The following IGF2 variants were observed in gnomAD, a reference collection of about 807,000 sequenced individuals.
IGF2 encodes insulin like growth factor 2.
Under a neutral mutation model 12.0 loss-of-function variants are expected in IGF2, and 2 were observed. The ratio of observed to expected loss-of-function variants is 0.17; its 90% CI spans 0.07 to 0.52. The LOEUF (loss-of-function observed/expected upper bound fraction) is 0.52. IGF2 is among the 20% of genes least tolerant of loss of function. IGF2 has a pLI of 0.95. For missense variants in IGF2, 211 were observed against 268.0 expected, an observed-to-expected ratio of 0.79 and a Z score of 1.48; for synonymous variants, 105 against 110.1, an observed-to-expected ratio of 0.95 and a Z score of 0.29.
chr11:2,138,126 C>T (rs1859222041), intron 1 of IGF2, 103 bp downstream of exon 1: 1 of 744,738 alleles, frequency 1.3e-6, no homozygotes, highest in Non-Finnish European at 1.6e-6. Context: ...CGCCGAGCCC[C>T]GCAGGCCCCG....
At chr11:2,148,005 G>C in the IGF2 span, 4 of 402,944 alleles carry the variant, frequency 9.9e-6, no homozygotes, top group Non-Finnish European at 1.7e-5. The surrounding 1 kb of genome is among the most constrained non-coding windows in gnomAD (Gnocchi z 4.3). Context: ...ATAAGGGAGG[G>C]AAGAAGTGGT....
the IGF2 span, chr11:2,148,141 C>G: frequency 3.9e-6 from 1 of 258,738 alleles, no homozygotes; most frequent in African/African-American, 2.2e-5. This position sits in a 1 kb window ranked among gnomAD's most constrained non-coding sequence, Gnocchi z 4.3. Flanking sequence ...AGGGTGCACA[C>G]GAATGGCCCG....
rs998687877 is a variant in IGF2, at chr11:2,129,272, T to G, written c.*3715A>C. 8 of 208,916 alleles carry G rather than the reference T, an allele frequency of 3.8e-5. No homozygotes were observed. Among genetic ancestry groups the G allele is most frequent in the Non-Finnish European group, 7.8e-5 (8 of 102,812 alleles). 12.9% of individuals were successfully genotyped at this position (208,916 alleles called of 1,614,324 possible). A position where few individuals can be genotyped will look rare whatever the true frequency, so the allele number is the denominator to read the frequency against. ...CCGAGGCGGCAGGCACAGGTGACAT[T>G]CAGTGTTTGGCGTGGGGGTCTTCAG... On this transcript the variant is annotated 3_prime_UTR_variant, in exon 4 of 4. Coordinates refer to ENST00000416167, the MANE Select transcript of IGF2 (RefSeq NM_000612.6). The surrounding 1 kb of genome is among the most constrained non-coding windows in gnomAD (Gnocchi z 8.1).
upstream of IGF2, among the ~76,000 whole-genome samples, chr11:2,145,944 C>T (rs751374823): frequency 3.3e-5 from 5 of 152,064 alleles, no homozygotes; most frequent in East Asian, 1.9e-4. Context: ...GGAAGGGTCC[C>T]GCCAGCAGTC....
chr11:2,138,563 G>A lies in IGF2; in HGVS notation c.-341C>T, dbSNP rs1309277554. On this transcript the variant is annotated 5_prime_UTR_variant, in exon 1 of 4. Transcript: ENST00000416167. ...GGGAGAGACAGAGTGAACGTGAAAGGGGGGGGCCGAAGAGAGGGCGAGGGG... is the reference window on the plus strand; with the variant it reads ...GGGAGAGACAGAGTGAACGTGAAAGAGGGGGGCCGAAGAGAGGGCGAGGGG... 3 of 501,482 alleles carry A rather than the reference G, an allele frequency of 6.0e-6. No individual in the cohort carries two copies. Among genetic ancestry groups the A allele is most frequent in the Non-Finnish European group, 4.9e-6 (2 of 407,884 alleles). The allele number at this position is 501,482 out of a possible 1,614,324, so 31.1% of individuals were successfully genotyped here.
In IGF2 at chr11:2,133,577, C is replaced by G; in HGVS notation, c.246G>C (p.Thr82=). The G allele has an allele frequency of 1.2e-6, 2 of 1,613,042 alleles. No individual in the cohort carries two copies. The highest frequency in any genetic ancestry group is 1.7e-6 in the Non-Finnish European group (2 of 1,179,994). The change falls in exon 3 of 4, where the codon ACG becomes ACC. Residue 82 remains threonine (T), a synonymous_variant. Transcript: ENST00000416167. The surrounding 1 kb of genome is among the most constrained non-coding windows in gnomAD (Gnocchi z 8.9). ...CGGACTTGGCGGGGGTAGCACAGTACGTCTCCAGGAGGGCCAGGTCACAGC... is the reference window on the plus strand; with the variant it reads ...CGGACTTGGCGGGGGTAGCACAGTAGGTCTCCAGGAGGGCCAGGTCACAGC... ...FRSCDLALLE[T]YCATPAKSER...
chr11:2,138,252 C>A lies in IGF2; in HGVS notation c.-30G>T, dbSNP rs569737096. ...ACCTGGAAGCCGGCGACGCTGCCGC[C>A]CACCTCCCTGCTGCGTGTCGCAAAC... On this transcript the variant is annotated 5_prime_UTR_variant, in exon 1 of 4. Transcript: ENST00000416167. 2 of 985,212 alleles carry A rather than the reference C, an allele frequency of 2.0e-6. No homozygotes were observed. Among genetic ancestry groups the A allele is most frequent in the South Asian group, 4.7e-5 (1 of 21,448 alleles). 61.0% of individuals were successfully genotyped at this position (985,212 alleles called of 1,614,324 possible).
upstream of IGF2, chr11:2,140,053 T>A: frequency 7.2e-7 from 1 of 1,389,934 alleles, no homozygotes; most frequent in Middle Eastern, 2.6e-4. Context: ...CCGGGCCGAA[T>A]CTGGGCCAGG....
At chr11:2,137,000 G>GCAGGTGAGGGAGCAGAGAC (rs1358521843) in intron 1 of IGF2, among the ~76,000 whole-genome samples, 1 of 152,218 alleles carries the variant, frequency 6.6e-6, no homozygotes, top group Admixed American at 6.5e-5. Flanking sequence ...AAGGGAAGGA[G>GCAGGTGAGGGAGCAGAGAC]CAGGTGAGGG....
rs577941383 is a variant in IGF2, at chr11:2,129,391, G to A, written c.*3596C>T. The A allele has an allele frequency of 8.7e-5, 20 of 229,038 alleles. No homozygotes were observed. The highest frequency in any genetic ancestry group is 1.8e-4 in the South Asian group (1 of 5,496). 14.2% of individuals were successfully genotyped at this position (229,038 alleles called of 1,614,324 possible). A position where few individuals can be genotyped will look rare whatever the true frequency, so the allele number is the denominator to read the frequency against. On this transcript the variant is annotated 3_prime_UTR_variant, in exon 4 of 4. Coordinates refer to ENST00000416167, the MANE Select transcript of IGF2 (RefSeq NM_000612.6). This position sits in a 1 kb window ranked among gnomAD's most constrained non-coding sequence, Gnocchi z 8.1. ...AAGATGGAGAGCCACGACTAGGCAC[G>A]GAGGTCAGACAGGCAGCCCGGGCCA...
the IGF2 span, chr11:2,146,372 C>T: frequency 2.6e-5 from 14 of 535,188 alleles, no homozygotes; most frequent in Middle Eastern, 3.1e-4. Context: ...GCAGACGAGG[C>T]GCTGACCTTG....
chr11:2,132,260 CTGCTCTG>C lies in IGF2; in HGVS notation c.*720_*726del. On this transcript the variant is annotated 3_prime_UTR_variant, in exon 4 of 4. Transcript: ENST00000416167. ...CTTTGGTCTTACTGGGTCCCTCTGA[CTGCTCTG>C]TGATTTTTAGTGATGGAAAAGGGAG... 1 of 201,758 alleles carries C rather than the reference CTGCTCTG, an allele frequency of 5.0e-6. No individual in the cohort carries two copies. Among genetic ancestry groups the C allele is most frequent in the African/African-American group, 2.3e-5 (1 of 43,572 alleles). 12.5% of individuals were successfully genotyped at this position (201,758 alleles called of 1,614,324 possible).
chr11:2,148,959 G>A, the IGF2 span: 3 of 639,932 alleles, frequency 4.7e-6, no homozygotes, highest in Non-Finnish European at 8.2e-6. This position sits in a 1 kb window ranked among gnomAD's most constrained non-coding sequence, Gnocchi z 4.3. Context: ...CATCCCTGAA[G>A]TTGAGGCTGC....
intron 1 of IGF2, among the ~76,000 whole-genome samples, chr11:2,137,519 A>G (rs904394950): frequency 7.4e-6 from 1 of 135,418 alleles, no homozygotes; most frequent in African/African-American, 2.6e-5. Context: ...ATCTCTGCAC[A>G]GGGCAGTGAA....
chr11:2,135,534 G>A lies in IGF2; in HGVS notation c.-6-5C>T. On this transcript the variant is annotated splice_polypyrimidine_tract_variant and splice_region_variant and intron_variant, in intron 1 of 3. Transcript: ENST00000416167. The stretch of plus-strand genomic sequence containing the variant: ...CATTGGGATTCCCATTGGTGTCTGG[G>A]GGCGGGAGAGAAGTGGCGTGAGCGG... 1 of 1,611,886 alleles carries A rather than the reference G, an allele frequency of 6.2e-7. No individual in the cohort carries two copies. Among genetic ancestry groups the A allele is most frequent in the South Asian group, 1.1e-5 (1 of 90,862 alleles).
In IGF2 at chr11:2,132,862, T is replaced by TATCATTAAAAAA; in HGVS notation, c.*124_*125insTTTTTTAATGAT. The TATCATTAAAAAA allele has an allele frequency of 1.5e-6, 1 of 683,284 alleles. No homozygotes were observed. The highest frequency in any genetic ancestry group is 2.5e-6 in the Non-Finnish European group (1 of 403,242). The allele number at this position is 683,284 out of a possible 1,614,324, so 42.3% of individuals were successfully genotyped here. ...GGGGAGGCGGGGCACGGGGACTGGG[T>TATCATTAAAAAA]CAGGAGAAGCCCCAGGGGGACGTGG... On this transcript the variant is annotated 3_prime_UTR_variant, in exon 4 of 4. Transcript: ENST00000416167.
chr11:2,138,703 AGGGG>A lies in IGF2; in HGVS notation c.-485_-482del. On this transcript the variant is annotated 5_prime_UTR_variant, in exon 1 of 4. Transcript: ENST00000416167. ...CGGCGAAGGCGAGAGGGCGGGCGTG[AGGGG>A]GGGAGGGAGTCGGAGGCTAGGAGCT... is the stretch of plus-strand genomic sequence containing the variant. The A allele has an allele frequency of 7.3e-5, 16 of 217,700 alleles. No homozygotes were observed. Among genetic ancestry groups the A allele is most frequent in the Non-Finnish European group, 8.8e-5 (16 of 182,318 alleles). 13.5% of individuals were successfully genotyped at this position (217,700 alleles called of 1,614,324 possible).
At chr11:2,135,013 G>T (rs1590117856) in intron 2 of IGF2, among the ~76,000 whole-genome samples, 1 of 152,218 alleles carries the variant, frequency 6.6e-6, no homozygotes, top group Non-Finnish European at 1.5e-5. Context: ...AAGAAAGGCA[G>T]GCTCTTCCTC....
At chr11:2,137,531 G>C (rs1049415654) in intron 1 of IGF2, among the ~76,000 whole-genome samples, 57 of 79,886 alleles carry the variant, frequency 7.1e-4, no homozygotes, top group Middle Eastern at 0.011. Flanking sequence ...GGCAGTGAAG[G>C]GGGGGGGGGT....
Sources: gnomAD v4.1 joint callset for allele counts (sites outside exome capture counted in the v4.1 genomes callset) on GRCh38, gnomAD v4.1.1 for gene constraint, Gnocchi (gnomAD v3.1) non-coding constraint, MANE v1.5 for transcripts, NCBI Gene and HGNC (gene_info 2026-07-23, HGNC 2026-07-21) for gene names.